XKR9: variants seen among roughly 807,000 people sequenced by gnomAD.
XKR9 encodes XK-related protein 9.
A neutral mutation model predicts 32.0 loss-of-function variants in XKR9; 32 were observed. The observed-to-expected ratio is 1.00, with a 90% confidence interval of 0.76 to 1.34. XKR9 has a LOEUF of 1.34. Among genes scored for constraint, XKR9 ranks in the 40% most tolerant of loss-of-function variants. The pLI is 0.00. For missense variants in XKR9, 546 were observed against 429.7 expected (o/e 1.27, Z -2.39); for synonymous variants, 168 against 143.4 (o/e 1.17, Z -1.22).
At chr8:70,702,425 A>C (rs1283032453) in intron 3 of XKR9, among the ~76,000 whole-genome samples, 1 of 152,174 alleles carries the variant, frequency 6.6e-6, no homozygotes, top group Non-Finnish European at 1.5e-5. Context: ...ATGTTCTATA[A>C]ATGTCAGTTA....
At chr8:71,037,436 T>C in the XKR9 span, among the ~76,000 whole-genome samples, 2 of 152,214 alleles carry the variant, frequency 1.3e-5, no homozygotes, top group African/African-American at 4.8e-5. Context: ...TTTCATTTTA[T>C]GTATTCGGAG....
chr8:70,984,785 T>C, the XKR9 span, among the ~76,000 whole-genome samples: 398 of 152,280 alleles, frequency 2.6e-3, 1 homozygote, highest in African/African-American at 9.0e-3. Flanking sequence ...TGTGAAAATG[T>C]TGAGAACTAA....
chr8:70,929,841 C>T, the XKR9 span, among the ~76,000 whole-genome samples: 5 of 152,178 alleles, frequency 3.3e-5, no homozygotes, highest in Non-Finnish European at 5.9e-5. Flanking sequence ...CCCAGTTAAT[C>T]TCAATATTTT....
chr8:70,975,613 G>T, the XKR9 span, among the ~76,000 whole-genome samples: 1 of 152,232 alleles, frequency 6.6e-6, no homozygotes, highest in East Asian at 1.9e-4. Context: ...CTCTGATTTG[G>T]TACCAGTACC....
chr8:70,862,981 G>T, the XKR9 span, among the ~76,000 whole-genome samples: 47 of 152,278 alleles, frequency 3.1e-4, 1 homozygote, highest in Admixed American at 2.3e-3. Context: ...GTATGCAGAG[G>T]TCCTGTGGCA....
intron 3 of XKR9, among the ~76,000 whole-genome samples, chr8:70,692,631 T>A (rs892179281): frequency 6.6e-6 from 1 of 152,092 alleles, no homozygotes; most frequent in African/African-American, 2.4e-5. Context: ...CAGGCTGGAG[T>A]GCAATGGTGC....
At chr8:70,988,560 C>A in the XKR9 span, among the ~76,000 whole-genome samples, 1 of 152,128 alleles carries the variant, frequency 6.6e-6, no homozygotes, top group Non-Finnish European at 1.5e-5. Flanking sequence ...TGGCTCCCTG[C>A]ATGTCTGATT....
the XKR9 span, among the ~76,000 whole-genome samples, chr8:71,061,758 T>C: frequency 2.6e-5 from 4 of 152,114 alleles, no homozygotes; most frequent in Admixed American, 2.6e-4. Context: ...AGGAGAGCCA[T>C]TGGTCTGAGG....
chr8:70,781,656 T>G (rs1415601155), intron 2 of XKR9, among the ~76,000 whole-genome samples: 2 of 152,106 alleles, frequency 1.3e-5, no homozygotes, highest in Admixed American at 6.6e-5. Context: ...GAGATCTCAT[T>G]GTGGTTTTGA....
downstream of XKR9, among the ~76,000 whole-genome samples, chr8:70,739,778 G>A (rs540745469): frequency 5.3e-5 from 8 of 152,278 alleles, no homozygotes; most frequent in Admixed American, 2.6e-4. Flanking sequence ...TTTTCTTTCA[G>A]AATGTTGAAT....
chr8:70,763,744 A>C (rs1283892893), intron 2 of XKR9, among the ~76,000 whole-genome samples: 1 of 152,214 alleles, frequency 6.6e-6, no homozygotes, highest in East Asian at 1.9e-4. Flanking sequence ...AAATGCAAAC[A>C]GTGGTGTTGC....
intron 2 of XKR9, among the ~76,000 whole-genome samples, chr8:70,771,410 C>T (rs1807451817): frequency 6.6e-6 from 1 of 152,096 alleles, no homozygotes; most frequent in Non-Finnish European, 1.5e-5. Flanking sequence ...GTTTTTTATC[C>T]TTATTGACTT....
chr8:70,856,605 G>A, the XKR9 span, among the ~76,000 whole-genome samples: 1 of 152,248 alleles, frequency 6.6e-6, no homozygotes, highest in African/African-American at 2.4e-5. Context: ...ATTGAACTCA[G>A]CTCTGCACCA....
At chr8:70,899,965 T>C in the XKR9 span, among the ~76,000 whole-genome samples, 1 of 152,200 alleles carries the variant, frequency 6.6e-6, no homozygotes, top group Admixed American at 6.5e-5. Flanking sequence ...AAAAAAGATG[T>C]GCATACACAA....
the XKR9 span, among the ~76,000 whole-genome samples, chr8:70,954,248 T>G: frequency 6.6e-6 from 1 of 152,088 alleles, no homozygotes; most frequent in Non-Finnish European, 1.5e-5. Context: ...TCCCAGCTAG[T>G]GTAGCCTGGG....
intron 1 of XKR9, among the ~76,000 whole-genome samples, chr8:70,674,154 G>A (rs1417775127): frequency 6.6e-6 from 1 of 152,130 alleles, no homozygotes; most frequent in East Asian, 1.9e-4. Flanking sequence ...GAGTGATGGA[G>A]CAAGACCTTG....
the XKR9 span, among the ~76,000 whole-genome samples, chr8:70,891,661 C>T: frequency 7.9e-5 from 12 of 151,894 alleles, no homozygotes; most frequent in South Asian, 1.2e-3. Flanking sequence ...ATTTGAGACT[C>T]GTTTTGTGGC....
chr8:70,914,188 C>T, the XKR9 span, among the ~76,000 whole-genome samples: 1 of 152,128 alleles, frequency 6.6e-6, no homozygotes, highest in Non-Finnish European at 1.5e-5. Flanking sequence ...CCTCAGCCTC[C>T]TAACGTGTTG....
chr8:70,881,177 C>A, the XKR9 span, among the ~76,000 whole-genome samples: 1 of 151,338 alleles, frequency 6.6e-6, no homozygotes, highest in Non-Finnish European at 1.5e-5. Context: ...TTGAAGAGAA[C>A]CTAGGCAATA....
Sources: allele counts gnomAD v4.1 joint callset (sites outside exome capture counted in the v4.1 genomes callset), GRCh38; gene constraint gnomAD v4.1.1; transcripts MANE v1.5; gene names NCBI Gene and HGNC (gene_info 2026-07-23, HGNC 2026-07-21).